PCDHA3: variants seen among roughly 807,000 people sequenced by gnomAD.
The protein encoded by PCDHA3 is protocadherin alpha 3, also known as protocadherin alpha-3.
PCDHA3 carries 41 observed loss-of-function variants against 62.2 expected under a neutral mutation model. The ratio of observed to expected loss-of-function variants is 0.66; its 90% confidence interval spans 0.51 to 0.86. The LOEUF (loss-of-function observed/expected upper bound fraction) is 0.86. PCDHA3 is among the 40% of genes least tolerant of loss of function. The probability of loss-of-function intolerance (pLI) is 0.00; values close to 1 mark genes in which losing one functional copy is unlikely to be tolerated. For missense variants in PCDHA3, 1,304 were observed against 1,241.2 expected (o/e 1.05, Z -0.76); for synonymous variants, 640 against 555.4 (o/e 1.15, Z -2.14).
chr5:140,986,777 G>A (rs1203790689), intron 3 of PCDHA3, among the ~76,000 whole-genome samples: 5 of 152,234 alleles, frequency 3.3e-5, no homozygotes, highest in Admixed American at 6.5e-5. Flanking sequence ...ATTAGGTAGC[G>A]GAAGCCACTA....
chr5:140,966,848 C>G, intron 1 of PCDHA3: 1 of 1,571,846 alleles, frequency 6.4e-7, no homozygotes, highest in Non-Finnish European at 8.6e-7. Context: ...GCTACTGCCT[C>G]TCCTGCTGCT....
intron 1 of PCDHA3, among the ~76,000 whole-genome samples, chr5:140,954,127 T>A (rs530320994): frequency 2.6e-5 from 4 of 152,372 alleles, no homozygotes; most frequent in Non-Finnish European, 5.9e-5. Context: ...TTCCTTTTTA[T>A]GGATGCATAG....
Position 140,982,457 on chromosome 5 carries a change from G to A in PCDHA3, c.2454-18G>A, listed in dbSNP as rs782510565. 6.2e-7 allele frequency: 1 copy of A among 1,613,966 alleles called. No homozygotes were observed. Among genetic ancestry groups the A allele is most frequent in the African/African-American group, 1.3e-5 (1 of 74,916 alleles). ...AATTTATGATCTAACCGTTATCTGG[G>A]TCTGTGTGTTTATTCAGCTCTGTGC... On this transcript the variant is annotated intron_variant, in intron 2 of 3. Transcript: ENST00000522353.
chr5:140,809,383 C>G (rs558389511), intron 1 of PCDHA3: 1 of 1,614,038 alleles, frequency 6.2e-7, no homozygotes, highest in South Asian at 1.1e-5. Context: ...AGGGCGCGTG[C>G]GCTCCGGGCA....
At chr5:140,843,320 G>C in intron 1 of PCDHA3, 2 of 1,596,056 alleles carry the variant, frequency 1.3e-6, no homozygotes, top group Non-Finnish European at 1.7e-6. Context: ...CACGGTTCTG[G>C]TGTCGCTGGT....
At chr5:140,937,070 C>G (rs1363778213) in intron 1 of PCDHA3, among the ~76,000 whole-genome samples, 2 of 147,796 alleles carry the variant, frequency 1.4e-5, no homozygotes, top group Admixed American at 1.4e-4. Context: ...CGGAGTCTCG[C>G]TCTGTCGCCC....
At chr5:140,803,802 A>T in intron 1 of PCDHA3, 1 of 787,212 alleles carries the variant, frequency 1.3e-6, no homozygotes, top group Non-Finnish European at 2.0e-6. Context: ...CCACACTTGT[A>T]ATTTTGTTTT....
In PCDHA3 at chr5:140,850,262, A is replaced by G. The variant is rs2150476444; in HGVS notation, c.2394+46671A>G. 32 of 1,594,296 alleles carry G rather than the reference A, an allele frequency of 2.0e-5. 1 individual carries two copies. The highest frequency in any genetic ancestry group is 2.7e-5 in the African/African-American group (2 of 74,230). On this transcript the variant is annotated intron_variant, in intron 1 of 3. Transcript: ENST00000522353. ...TGCTGCGGTCGGTGGGCGCCGGCGT[A>G]GTGGTGGGGAAGGTGCGCGCAGTGG...
chr5:140,988,528 T>C (rs1391489747), intron 3 of PCDHA3, among the ~76,000 whole-genome samples: 1 of 152,194 alleles, frequency 6.6e-6, no homozygotes, highest in African/African-American at 2.4e-5. Flanking sequence ...CTCTGCTGGC[T>C]CCATCCATTC....
chr5:140,972,552 T>G (rs1247039171), intron 1 of PCDHA3, among the ~76,000 whole-genome samples: 1 of 152,160 alleles, frequency 6.6e-6, no homozygotes, highest in Admixed American at 6.5e-5. Flanking sequence ...CAGTGAGGAT[T>G]CTGAAGTAAC....
Position 140,802,221 on chromosome 5 carries a change from G to C in PCDHA3, c.1024G>C (p.Asp342His), listed in dbSNP as rs782389437. The C allele has an allele frequency of 6.2e-7, 1 of 1,614,182 alleles. No homozygotes were observed. The highest frequency in any genetic ancestry group is 8.5e-7 in the Non-Finnish European group (1 of 1,180,028). ...DHCTVLLEIV[D>H]INDNVPELVI... ...CTGCACAGTTCTACTCGAAATTGTG[G>C]ACATCAATGATAATGTACCTGAGTT... Residue 342 changes from aspartate (D) to histidine (H), a missense_variant, in exon 1 of 4, where the codon GAC (aspartate) becomes CAC (histidine). By Grantham distance (81) the Asp-to-His change is moderately conservative. Coordinates refer to ENST00000522353, the MANE Select transcript of PCDHA3 (RefSeq NM_018906.3).
intron 3 of PCDHA3, among the ~76,000 whole-genome samples, chr5:141,003,504 G>A (rs1336599901): frequency 9.2e-5 from 14 of 152,020 alleles, no homozygotes; most frequent in African/African-American, 3.4e-4. Context: ...GTAGAGATGG[G>A]GTTTCACCAT....
At chr5:140,882,150 C>A in intron 1 of PCDHA3, 1 of 1,501,768 alleles carries the variant, frequency 6.7e-7, no homozygotes, top group Non-Finnish European at 8.9e-7. Context: ...TAGCAGAAAG[C>A]GGAATACCTC....
Position 140,914,249 on chromosome 5 carries a change from G to T in PCDHA3, c.2395-64700G>T, listed in dbSNP as rs186578589. 2.8e-3 allele frequency among the ~76,000 whole-genome samples: 422 copies of T among 152,092 alleles called. 2 individuals carry two copies. Among genetic ancestry groups the T allele is most frequent in the Middle Eastern group, 0.014 (4 of 294 alleles). ...AATACTATTTGCTTTTTATATCTGG[G>T]TGCTTCAATGGTGGGTGCATATATA... is the stretch of plus-strand genomic sequence containing the variant. On this transcript the variant is annotated intron_variant, in intron 1 of 3. Coordinates refer to ENST00000522353, the MANE Select transcript of PCDHA3 (RefSeq NM_018906.3).
intron 1 of PCDHA3, chr5:140,876,840 G>C: frequency 6.2e-7 from 1 of 1,614,166 alleles, no homozygotes; most frequent in Non-Finnish European, 8.5e-7. Flanking sequence ...CTGCGTTCGC[G>C]CAGCCCGAGT....
chr5:140,864,909 A>G (rs1046704709), intron 1 of PCDHA3: 1 of 152,160 alleles, frequency 6.6e-6, no homozygotes, highest in Non-Finnish European at 1.5e-5. Flanking sequence ...TCAGAATGGC[A>G]TTGCTGAGCT....
intron 1 of PCDHA3, among the ~76,000 whole-genome samples, chr5:140,893,814 T>C (rs1254433414): frequency 6.6e-6 from 1 of 152,204 alleles, no homozygotes; most frequent in Non-Finnish European, 1.5e-5. Flanking sequence ...TTGAGTCTGG[T>C]ACCGTAGACT....
intron 1 of PCDHA3, chr5:140,851,387 TA>T: frequency 2.1e-6 from 2 of 974,684 alleles, no homozygotes; most frequent in Non-Finnish European, 2.5e-6. Context: ...CAACCTTCAG[TA>T]TCTATTATTT....
chr5:140,989,235 T>G (rs1408596966), intron 3 of PCDHA3, among the ~76,000 whole-genome samples: 1 of 152,204 alleles, frequency 6.6e-6, no homozygotes, highest in Non-Finnish European at 1.5e-5. Context: ...AGCTGAAGTT[T>G]TAAGCCCCTT....
Sources: allele counts gnomAD v4.1 joint callset (sites outside exome capture counted in the v4.1 genomes callset), GRCh38; gene constraint gnomAD v4.1.1; transcripts MANE v1.5; gene names NCBI Gene and HGNC (gene_info 2026-07-23, HGNC 2026-07-21).